ZPBP: variants seen among roughly 807,000 people sequenced by gnomAD.
The protein encoded by ZPBP is zona pellucida-binding protein 1.
Under a neutral mutation model 44.8 loss-of-function variants are expected in ZPBP, and 26 were observed. That is an observed-to-expected ratio of 0.58 (90% confidence interval 0.43 to 0.81). The LOEUF (loss-of-function observed/expected upper bound fraction) is 0.81, where lower values mean the gene tolerates loss of function less well. ZPBP is among the 30% of genes least tolerant of loss of function. The pLI is 0.00. For synonymous variants in ZPBP, 174 were observed against 153.2 expected, an observed-to-expected ratio of 1.14 and a Z score of -1.00; for missense variants, 409 against 434.0, an observed-to-expected ratio of 0.94 and a Z score of 0.51.
chr7:49,877,481 A>AAAAT, intron 2 of ZPBP, among the ~76,000 whole-genome samples: 1 of 12,722 alleles, frequency 7.9e-5, no homozygotes, highest in Non-Finnish European at 1.4e-4. Flanking sequence ...AAAAAAAAAA[A>AAAAT]ATATATATAT....
At chr7:49,867,903 G>A (rs182453600) in intron 2 of ZPBP, among the ~76,000 whole-genome samples, 14 of 151,286 alleles carry the variant, frequency 9.3e-5, no homozygotes, top group African/African-American at 3.2e-4. Context: ...GTGCAATCTC[G>A]GCTCACTGCA....
intron 2 of ZPBP, among the ~76,000 whole-genome samples, chr7:49,892,537 G>A (rs1185399201): frequency 6.6e-6 from 1 of 152,178 alleles, no homozygotes; most frequent in Non-Finnish European, 1.5e-5. Context: ...TTAGAAATCA[G>A]CAAAGGCACA....
chr7:50,055,760 G>A (rs1188411593), intron 4 of ZPBP, among the ~76,000 whole-genome samples: 2 of 152,062 alleles, frequency 1.3e-5, no homozygotes, highest in East Asian at 3.8e-4. Context: ...CCTCATAAGT[G>A]CTCAGTAAAT....
At chr7:49,925,783 C>T (rs144638681) in intron 1 of ZPBP, among the ~76,000 whole-genome samples, 1 of 152,330 alleles carries the variant, frequency 6.6e-6, no homozygotes, top group Non-Finnish European at 1.5e-5. Context: ...CAAAGAATTA[C>T]ACATATTCTC....
intron 2 of ZPBP, among the ~76,000 whole-genome samples, chr7:50,088,877 T>C (rs1802802281): frequency 7.2e-6 from 1 of 138,224 alleles, no homozygotes; most frequent in South Asian, 2.1e-4. Flanking sequence ...ATAGAGTTAC[T>C]CATAGGTAGA....
intron 7 of ZPBP, among the ~76,000 whole-genome samples, chr7:49,954,376 T>C (rs1795481039): frequency 6.6e-6 from 1 of 152,264 alleles, no homozygotes; most frequent in African/African-American, 2.4e-5. Context: ...TCTTCACGCT[T>C]TCATACAGCA....
intron 7 of ZPBP, among the ~76,000 whole-genome samples, chr7:49,964,625 G>A (rs1011321321): frequency 1.3e-5 from 2 of 152,036 alleles, no homozygotes; most frequent in African/African-American, 4.8e-5. Flanking sequence ...CAGACATGAA[G>A]CACATTCTTT....
At chr7:49,921,334 T>C (rs999762903) in intron 1 of ZPBP, 2 of 152,248 alleles carry the variant, frequency 1.3e-5, no homozygotes, top group African/African-American at 4.8e-5. Flanking sequence ...TCCATAGCTA[T>C]AGAGACATAG....
intron 6 of ZPBP, among the ~76,000 whole-genome samples, chr7:50,009,021 G>A (rs1023922475): frequency 6.6e-6 from 1 of 151,766 alleles, no homozygotes; most frequent in Non-Finnish European, 1.5e-5. Flanking sequence ...ATCACCTGAG[G>A]TCAGGAGTTC....
At chr7:49,947,060 T>G (rs1795130734) in intron 7 of ZPBP, among the ~76,000 whole-genome samples, 1 of 152,146 alleles carries the variant, frequency 6.6e-6, no homozygotes. Context: ...TATTTCAATT[T>G]CTTTGTTAAA....
chr7:50,005,161 C>G (rs1798250050), intron 6 of ZPBP, among the ~76,000 whole-genome samples: 1 of 151,842 alleles, frequency 6.6e-6, no homozygotes, highest in South Asian at 2.1e-4. Context: ...ATGCTGTCAA[C>G]TGTAAATTAC....
At chr7:49,852,043 A>G (rs764250360) in intron 2 of ZPBP, among the ~76,000 whole-genome samples, 1 of 152,194 alleles carries the variant, frequency 6.6e-6, no homozygotes, top group Non-Finnish European at 1.5e-5. Flanking sequence ...AATCCGGATT[A>G]AACCAATAAC....
At chr7:49,929,502 CACACAGGATAG>C (rs1794374764) in intron 1 of ZPBP, among the ~76,000 whole-genome samples, 4 of 152,252 alleles carry the variant, frequency 2.6e-5, no homozygotes, top group African/African-American at 9.6e-5. Context: ...GGAAGACAAC[CACACAGGATAG>C]AACCAGGGAC....
intron 7 of ZPBP, among the ~76,000 whole-genome samples, chr7:49,977,682 C>A (rs926243122): frequency 6.6e-6 from 1 of 152,018 alleles, no homozygotes; most frequent in Non-Finnish European, 1.5e-5. Context: ...AAAGAGAAAG[C>A]AATAGGAAAA....
chr7:49,857,083 C>T (rs1202860776), intron 2 of ZPBP, among the ~76,000 whole-genome samples: 1 of 141,222 alleles, frequency 7.1e-6, no homozygotes, highest in Non-Finnish European at 1.5e-5. Context: ...TTTTTAGGTG[C>T]ACAATATCAT....
In ZPBP at chr7:49,983,545, A is replaced by C. The variant is rs763901698; in HGVS notation, c.784-26T>G. 4 of 1,407,046 alleles carry C rather than the reference A, an allele frequency of 2.8e-6. No individual in the cohort carries two copies. The African/African-American group carries it at 5.8e-5, about 20-fold the overall frequency. 87.2% of individuals were successfully genotyped at this position (1,407,046 alleles called of 1,614,324 possible). ...CTAAAACATAAATACAATTTGATAAACTGTTAGCCATAAAAAATGTAATTT... is the reference window on the plus strand; with the variant it reads ...CTAAAACATAAATACAATTTGATAACCTGTTAGCCATAAAAAATGTAATTT... On this transcript the variant is annotated intron_variant, in intron 6 of 7. Transcript: ENST00000046087.
intron 4 of ZPBP, among the ~76,000 whole-genome samples, chr7:50,035,383 T>A (rs980347309): frequency 6.6e-6 from 1 of 152,216 alleles, no homozygotes. Flanking sequence ...TGCTTTCTAC[T>A]AAATAGGTGA....
chr7:49,990,629 C>A (rs918990999), intron 6 of ZPBP, among the ~76,000 whole-genome samples: 1 of 148,644 alleles, frequency 6.7e-6, no homozygotes, highest in South Asian at 2.1e-4. Flanking sequence ...TGGGGGGGGA[C>A]TATGTTTTAC....
At chr7:49,877,033 G>A (rs1791440274) in intron 2 of ZPBP, among the ~76,000 whole-genome samples, 1 of 152,104 alleles carries the variant, frequency 6.6e-6, no homozygotes, top group South Asian at 2.1e-4. Flanking sequence ...CTACTTGACC[G>A]TCAGTCTCCT....
Sources: allele counts gnomAD v4.1 joint callset (sites outside exome capture counted in the v4.1 genomes callset), GRCh38; gene constraint gnomAD v4.1.1; transcripts MANE v1.5; gene names NCBI Gene and HGNC (gene_info 2026-07-23, HGNC 2026-07-21).